The following SLC13A4 variants were observed in gnomAD, a reference collection of about 807,000 sequenced individuals.
SLC13A4 encodes Na(+)/sulfate cotransporter SUT-1.
A neutral mutation model predicts 72.7 loss-of-function variants in SLC13A4; 28 were observed. The observed-to-expected ratio is 0.39, with a 90% CI of 0.29 to 0.53. The LOEUF is 0.53. Ranked by LOEUF, SLC13A4 falls within the 20% of genes least tolerant of loss-of-function variation. The pLI is 0.78. For synonymous variants in SLC13A4, 312 were observed against 325.5 expected, an observed-to-expected ratio of 0.96 and a Z score of 0.45; for missense variants, 653 against 788.0, an observed-to-expected ratio of 0.83 and a Z score of 2.05.
rs111203959 is a variant in SLC13A4 at position 135,715,208 on chromosome 7, T to G, written c.228+6187A>C. Among the ~76,000 whole-genome samples, 815 of 151,174 alleles carry G rather than the reference T, an allele frequency of 5.4e-3. 8 individuals are homozygous for G. The highest frequency in any genetic ancestry group is 0.018 in the African/African-American group (759 of 41,302). The stretch of plus-strand genomic sequence containing the variant: ...ATATAAGTGTGTATGAGTGTATGTG[T>G]GCATGAGTGTGTATATGTGAGTGTA... On this transcript the variant is annotated intron_variant, in intron 2 of 15. Coordinates refer to ENST00000682651, the MANE Select transcript of SLC13A4 (RefSeq NM_001318192.2).
intron 15 of SLC13A4, chr7:135,683,694 A>G (rs371404553): frequency 1.0e-6 from 1 of 985,440 alleles, no homozygotes. Context: ...TGAGTTGAGC[A>G]GAAGAATCCT....
chr7:135,725,698 C>T lies in SLC13A4; in HGVS notation c.99+1700G>A, dbSNP rs187954931. On this transcript the variant is annotated intron_variant, in intron 1 of 15. Transcript: ENST00000682651. ...CTAAAAGTTTGATGCAGGCCAGGCA[C>T]GGTGGCTCACACCTGTAATCTCAAC... Among the ~76,000 whole-genome samples the T allele has an allele frequency of 1.9e-3, 290 of 152,290 alleles. 2 individuals carry two copies. Among genetic ancestry groups the T allele is most frequent in the African/African-American group, 6.6e-3 (275 of 41,558 alleles).
chr7:135,722,536 A>G (rs537148034), intron 1 of SLC13A4, among the ~76,000 whole-genome samples: 1 of 152,250 alleles, frequency 6.6e-6, no homozygotes, highest in South Asian at 2.1e-4. Context: ...GCCTCATCCC[A>G]AATGGAGTAG....
chr7:135,705,885 G>A, intron 4 of SLC13A4: 1 of 564,778 alleles, frequency 1.8e-6, no homozygotes, highest in South Asian at 2.6e-5. Context: ...TGAGCATTTG[G>A]GGGAAAAGAG....
At position 135,727,492 on chromosome 7, in the gene SLC13A4, C is replaced by T. The variant is rs1438006674; in HGVS notation, c.5G>A (p.Gly2Asp). 2 of 1,550,148 alleles carry T rather than the reference C, an allele frequency of 1.3e-6. No individual in the cohort carries two copies. The highest frequency in any genetic ancestry group is 1.7e-6 in the Non-Finnish European group (2 of 1,146,648). Reference sequence around the variant, plus strand: ...GACTCGGAGCAGGCCCTGCAGCAGGCCCATCGCGCCTCTGTCCTCTCCAGC... The same window carrying T: ...GACTCGGAGCAGGCCCTGCAGCAGGTCCATCGCGCCTCTGTCCTCTCCAGC... Reference protein sequence around the residue: MGLLQGLLRVRK... With the variant: MDLLQGLLRVRK... Residue 2 changes from glycine (G) to aspartate (D), a missense_variant, in exon 1 of 16, where the codon GGC becomes GAC. By Grantham distance (94) the Gly-to-Asp change is moderately conservative (BLOSUM62 -1). Coordinates refer to ENST00000682651, the MANE Select transcript of SLC13A4 (RefSeq NM_001318192.2).
rs1398747694 is a variant in SLC13A4, at chr7:135,728,020, A to G, written c.-524T>C. The G allele has an allele frequency of 6.6e-6, 1 of 152,332 alleles. No individual in the cohort carries two copies. Among genetic ancestry groups the G allele is most frequent in the African/African-American group, 2.4e-5 (1 of 41,430 alleles). 9.4% of individuals were successfully genotyped at this position (152,332 alleles called of 1,614,324 possible). On this transcript the variant is annotated 5_prime_UTR_variant, in exon 1 of 16. Transcript: ENST00000682651. The stretch of plus-strand genomic sequence containing the variant: ...GGCTCGCTGTTGGTAAGACTCTAGT[A>G]GCCCCTTTCCTTAAAACAAGCACCT...
intron 3 of SLC13A4, among the ~76,000 whole-genome samples, chr7:135,706,951 C>T (rs758596780): frequency 1.3e-4 from 20 of 152,176 alleles, no homozygotes; most frequent in Non-Finnish European, 2.5e-4. Flanking sequence ...GCTTTGAGAA[C>T]GTTGTGCAAT....
Position 135,695,430 on chromosome 7 carries a change from G to C in SLC13A4, c.957C>G (p.Pro319=). The change falls in exon 9 of 16, where the codon CCC becomes CCG. Residue 319 remains proline, a synonymous_variant. Transcript: ENST00000682651. ...NFGTWFLFSF[P]ISLIMLVVSW... ...TGACCACCAGCATGATGAGGGATATGGGGAAGCTGAAGAGGAACCAGGTGC... is the reference window on the plus strand; with the variant it reads ...TGACCACCAGCATGATGAGGGATATCGGGAAGCTGAAGAGGAACCAGGTGC... 6.2e-7 allele frequency: 1 copy of C among 1,614,186 alleles called. No individual in the cohort carries two copies. Among genetic ancestry groups the C allele is most frequent in the Non-Finnish European group, 8.5e-7 (1 of 1,179,998 alleles).
At chr7:135,698,980 G>A (rs530724981) in intron 8 of SLC13A4, among the ~76,000 whole-genome samples, 8 of 151,930 alleles carry the variant, frequency 5.3e-5, no homozygotes, top group African/African-American at 1.2e-4. Context: ...TTGCTCTATC[G>A]CTCAGGCTCG....
intron 3 of SLC13A4, 96 bp from the exon 4 acceptor site, chr7:135,706,396 GA>G (rs2129494796): frequency 7.7e-7 from 1 of 1,305,656 alleles, no homozygotes; most frequent in Admixed American, 2.1e-5. Flanking sequence ...GGCTGGTCTA[GA>G]CAGCTGTGGC....
chr7:135,727,848 C>A lies in SLC13A4; in HGVS notation c.-352G>T. Reference sequence around the variant, plus strand: ...GCAGAAACCCCCTTAATCCTTTAAGCCACACCTTTGCTGCTGCTGCTCGGC... The same window carrying A: ...GCAGAAACCCCCTTAATCCTTTAAGACACACCTTTGCTGCTGCTGCTCGGC... On this transcript the variant is annotated 5_prime_UTR_variant, in exon 1 of 16. Transcript: ENST00000682651. The A allele has an allele frequency of 4.3e-6, 1 of 230,678 alleles. No individual in the cohort carries two copies. The highest frequency in any genetic ancestry group is 8.3e-6 in the Non-Finnish European group (1 of 119,974). 14.3% of individuals were successfully genotyped at this position (230,678 alleles called of 1,614,324 possible). A position where few individuals can be genotyped will look rare whatever the true frequency, so the allele number is the denominator to read the frequency against.
intron 10 of SLC13A4, 103 bp from the exon 11 acceptor site, chr7:135,692,527 G>A (rs1584719889): frequency 2.7e-6 from 2 of 740,592 alleles, no homozygotes; most frequent in East Asian, 2.7e-5. Flanking sequence ...CAATACCCTA[G>A]ACATAAAACA....
At chr7:135,694,273 A>AC in intron 9 of SLC13A4, 35 bp from the exon 10 acceptor site, 1 of 1,322,600 alleles carries the variant, frequency 7.6e-7, no homozygotes, top group Non-Finnish European at 1.1e-6. Context: ...ATTAAAGAAA[A>AC]CACACTTCTG....
rs886617862 is a variant in SLC13A4 at position 135,725,297 on chromosome 7, C to T, written c.99+2101G>A. 3.3e-5 allele frequency among the ~76,000 whole-genome samples: 5 copies of T among 152,318 alleles called. No individual in the cohort carries two copies. In the South Asian group the frequency reaches 6.2e-4, roughly 19 times the overall value. ...CCAGTGATATCCCACTCCAACTTCA[C>T]GGGAAGGAGGTTGAAGTCTGTTATC... On this transcript the variant is annotated intron_variant, in intron 1 of 15. Coordinates refer to ENST00000682651, the MANE Select transcript of SLC13A4 (RefSeq NM_001318192.2).
intron 2 of SLC13A4, among the ~76,000 whole-genome samples, chr7:135,710,879 C>T (rs1252397937): frequency 1.3e-5 from 2 of 151,964 alleles, no homozygotes; most frequent in African/African-American, 4.8e-5. Flanking sequence ...GCCCATTCCT[C>T]AGCGGACTAC....
At chr7:135,726,509 C>T (rs551468910) in intron 1 of SLC13A4, among the ~76,000 whole-genome samples, 62 of 152,270 alleles carry the variant, frequency 4.1e-4, no homozygotes, top group Admixed American at 1.2e-3. Flanking sequence ...TTCCTAAAGT[C>T]TCCAGGGCAG....
At chr7:135,725,029 T>A (rs1404060217) in intron 1 of SLC13A4, among the ~76,000 whole-genome samples, 1 of 152,234 alleles carries the variant, frequency 6.6e-6, no homozygotes, top group Non-Finnish European at 1.5e-5. Context: ...CTGGAGAGAA[T>A]ATTCTGCAAC....
chr7:135,726,381 A>G (rs991977394), intron 1 of SLC13A4, among the ~76,000 whole-genome samples: 5 of 152,202 alleles, frequency 3.3e-5, no homozygotes, highest in Non-Finnish European at 5.9e-5. Context: ...AAGAAGAACC[A>G]TCCTAATCCC....
chr7:135,724,099 C>T (rs1292027067), intron 1 of SLC13A4, among the ~76,000 whole-genome samples: 4 of 152,194 alleles, frequency 2.6e-5, no homozygotes, highest in Non-Finnish European at 4.4e-5. Context: ...CTGCCCCTCA[C>T]TGGGGACCCT....
Sources: gnomAD v4.1 joint callset for allele counts (sites outside exome capture counted in the v4.1 genomes callset) on GRCh38, gnomAD v4.1.1 for gene constraint, MANE v1.5 for transcripts, NCBI Gene and HGNC (gene_info 2026-07-23, HGNC 2026-07-21) for gene names.